The following FHIT variants were observed in gnomAD, a reference collection of about 807,000 sequenced individuals.
FHIT encodes bis(5'-adenosyl)-triphosphatase.
In FHIT, 19 loss-of-function variants were observed where a neutral mutation model predicts 17.9. That is an observed-to-expected ratio of 1.06 (90% CI 0.74 to 1.56). The LOEUF (loss-of-function observed/expected upper bound fraction) is 1.56, where lower values mean the gene tolerates loss of function less well. FHIT is among the 40% of genes most tolerant of loss of function. FHIT has a pLI of 0.00. For missense variants in FHIT, 248 were observed against 189.2 expected, an observed-to-expected ratio of 1.31 and a Z score of -1.82; for synonymous variants, 81 against 69.7, an observed-to-expected ratio of 1.16 and a Z score of -0.81.
At chr3:60,095,508 T>G (rs1338086392) in intron 5 of FHIT, among the ~76,000 whole-genome samples, 2 of 152,204 alleles carry the variant, frequency 1.3e-5, no homozygotes, top group African/African-American at 4.8e-5. Flanking sequence ...TAAGAAATTA[T>G]TTTTGAAGCA....
At chr3:60,442,007 T>C (rs2030926610) in intron 5 of FHIT, among the ~76,000 whole-genome samples, 1 of 150,602 alleles carries the variant, frequency 6.6e-6, no homozygotes, top group Non-Finnish European at 1.5e-5. Context: ...TACAGGTGCA[T>C]GCTACCATGC....
At position 59,747,542 on chromosome 3, in the gene FHIT, C is replaced by T. The variant is rs911242243; in HGVS notation, c.*2043G>A. 2.6e-5 allele frequency among the ~76,000 whole-genome samples: 4 copies of T among 152,088 alleles called. No homozygotes were observed. The highest frequency in any genetic ancestry group is 5.9e-5 in the Non-Finnish European group (4 of 68,016). Reference sequence around the variant, plus strand: ...GATGTGGGTGGGGAAACAGCCAAATCGTATAACTAGGTATGTCCACCCCAA... The same window carrying T: ...GATGTGGGTGGGGAAACAGCCAAATTGTATAACTAGGTATGTCCACCCCAA... On this transcript the variant is annotated 3_prime_UTR_variant, in exon 10 of 10. Transcript: ENST00000492590.
At chr3:60,854,881 G>C (rs1703314806) in intron 3 of FHIT, among the ~76,000 whole-genome samples, 1 of 152,164 alleles carries the variant, frequency 6.6e-6, no homozygotes, top group African/African-American at 2.4e-5. Context: ...TGGATGTAAA[G>C]TGGATCTTAG....
intron 5 of FHIT, among the ~76,000 whole-genome samples, chr3:60,423,895 C>T (rs1702566481): frequency 6.6e-6 from 1 of 152,076 alleles, no homozygotes; most frequent in Admixed American, 6.6e-5. Context: ...ATCATTTCCC[C>T]CACCTTTTCT....
At chr3:60,302,279 A>G (rs555751586) in intron 5 of FHIT, among the ~76,000 whole-genome samples, 5 of 152,166 alleles carry the variant, frequency 3.3e-5, no homozygotes, top group South Asian at 2.1e-4. Context: ...CTAAATGTTT[A>G]TATCTTCAGT....
intron 5 of FHIT, among the ~76,000 whole-genome samples, chr3:60,262,655 A>G (rs1393743734): frequency 6.6e-6 from 1 of 151,956 alleles, no homozygotes; most frequent in Non-Finnish European, 1.5e-5. Context: ...AGGATTGATT[A>G]GCTAAGATTA....
intron 1 of FHIT, among the ~76,000 whole-genome samples, chr3:61,226,247 G>A (rs1295237245): frequency 6.6e-6 from 1 of 152,160 alleles, no homozygotes; most frequent in Non-Finnish European, 1.5e-5. Context: ...GAAGGTGCTA[G>A]TCAAATCTCA....
At chr3:60,735,082 G>A (rs2042108107) in intron 4 of FHIT, among the ~76,000 whole-genome samples, 2 of 152,270 alleles carry the variant, frequency 1.3e-5, no homozygotes, top group South Asian at 2.1e-4. Flanking sequence ...TAAAACAAAT[G>A]ATCTCTCAGT....
intron 3 of FHIT, among the ~76,000 whole-genome samples, chr3:60,966,083 C>T (rs1709725967): frequency 6.6e-6 from 1 of 152,126 alleles, no homozygotes; most frequent in South Asian, 2.1e-4. Flanking sequence ...GCGGTGGGCT[C>T]CACCCATTTC....
At chr3:60,981,196 C>T (rs1710475040) in intron 3 of FHIT, among the ~76,000 whole-genome samples, 2 of 152,174 alleles carry the variant, frequency 1.3e-5, no homozygotes, top group South Asian at 4.1e-4. Context: ...CCAACACTGT[C>T]ACCCTCTACT....
chr3:59,906,586 A>C (rs1457476980), intron 8 of FHIT, among the ~76,000 whole-genome samples: 1 of 152,232 alleles, frequency 6.6e-6, no homozygotes, highest in African/African-American at 2.4e-5. Context: ...CTAGGCATTT[A>C]GTGGTGGAGT....
intron 2 of FHIT, among the ~76,000 whole-genome samples, chr3:61,177,782 T>C (rs74395133): frequency 0.1 from 15,245 of 152,166 alleles, 984 homozygotes; most frequent in South Asian, 0.21. Flanking sequence ...AGAAAACAGA[T>C]CAGCAGCCCC....
intron 5 of FHIT, among the ~76,000 whole-genome samples, chr3:60,443,680 T>G (rs2031096293): frequency 6.6e-6 from 1 of 152,102 alleles, no homozygotes; most frequent in African/African-American, 2.4e-5. Flanking sequence ...TTTGCCAGTA[T>G]TTTATTGAGG....
intron 5 of FHIT, among the ~76,000 whole-genome samples, chr3:60,228,887 A>G (rs1704349970): frequency 4.6e-5 from 7 of 152,128 alleles, no homozygotes; most frequent in Admixed American, 4.6e-4. Flanking sequence ...CAATAGTTCT[A>G]TAAAATACGT....
Position 60,014,235 on chromosome 3 carries a change from C to A in FHIT, c.104-83G>T. ...CAGTTCATACCCACAGGATTGAATC[C>A]TCTCGGACCAGGGCCTGAACTCTCA... is the stretch of plus-strand genomic sequence containing the variant. On this transcript the variant is annotated intron_variant, in intron 5 of 9. Coordinates refer to ENST00000492590, the MANE Select transcript of FHIT (RefSeq NM_002012.4). 3 of 1,411,018 alleles carry A rather than the reference C, an allele frequency of 2.1e-6. No individual in the cohort carries two copies. In the South Asian group the frequency reaches 3.8e-5, roughly 18 times the overall value. 87.4% of individuals were successfully genotyped at this position (1,411,018 alleles called of 1,614,324 possible).
intron 3 of FHIT, among the ~76,000 whole-genome samples, chr3:60,976,265 C>A (rs1012449502): frequency 5.9e-5 from 9 of 151,706 alleles, no homozygotes; most frequent in Non-Finnish European, 1.3e-4. Context: ...TGCTATCATG[C>A]CTGGCTAATT....
intron 3 of FHIT, among the ~76,000 whole-genome samples, chr3:60,955,610 A>ATATATATATACATATATATATATATATG (rs1709093039): frequency 1.5e-4 from 2 of 13,118 alleles, no homozygotes; most frequent in Non-Finnish European, 3.6e-4. Context: ...ATATATATAT[A>ATATATATATACATATATATATATATATG]TATATATATA....
intron 5 of FHIT, among the ~76,000 whole-genome samples, chr3:60,248,200 C>G (rs527613122): frequency 6.6e-6 from 1 of 152,122 alleles, no homozygotes; most frequent in Non-Finnish European, 1.5e-5. Flanking sequence ...AAAATCCACT[C>G]CCTAGGTTTA....
intron 5 of FHIT, among the ~76,000 whole-genome samples, chr3:60,241,080 T>G (rs1330884994): frequency 1.3e-5 from 2 of 152,158 alleles, no homozygotes; most frequent in African/African-American, 4.8e-5. Flanking sequence ...AGGGATGCAC[T>G]TGCAACAGTT....
Sources: allele counts gnomAD v4.1 joint callset (sites outside exome capture counted in the v4.1 genomes callset), GRCh38; gene constraint gnomAD v4.1.1; transcripts MANE v1.5; gene names NCBI Gene and HGNC (gene_info 2026-07-23, HGNC 2026-07-21).